Variants in ZNF609 observed in about 807,000 individuals in gnomAD.
The protein encoded by ZNF609 is zinc finger protein 609.
Under a neutral mutation model 109.5 loss-of-function variants are expected in ZNF609, and 11 were observed. The observed-to-expected ratio is 0.10, with a 90% CI of 0.06 to 0.17. The LOEUF is 0.17. Ranked by LOEUF, ZNF609 falls within the 10% of genes least tolerant of loss-of-function variation. ZNF609 has a pLI of 1.00. For missense variants in ZNF609, 1,559 were observed against 1,772.4 expected (o/e 0.88, Z 2.16); for synonymous variants, 646 against 662.0 (o/e 0.98, Z 0.37).
chr15:64,524,921 A>G (rs1433218585), intron 2 of ZNF609, among the ~76,000 whole-genome samples: 1 of 152,134 alleles, frequency 6.6e-6, no homozygotes, highest in Non-Finnish European at 1.5e-5. Context: ...TGGCTGTGCC[A>G]TTTTACATTC....
intron 2 of ZNF609, among the ~76,000 whole-genome samples, chr15:64,543,193 G>A (rs887260030): frequency 6.7e-6 from 1 of 149,798 alleles, no homozygotes; most frequent in Admixed American, 6.7e-5. Flanking sequence ...AAAAATTCCA[G>A]TCTCTTAATT....
chr15:64,560,634 G>A (rs180957024), intron 2 of ZNF609, among the ~76,000 whole-genome samples: 1 of 152,144 alleles, frequency 6.6e-6, no homozygotes, highest in Non-Finnish European at 1.5e-5. Flanking sequence ...AAGAGGAAAA[G>A]AACAGAGATG....
At chr15:64,522,597 GT>G (rs1215072233) in intron 2 of ZNF609, among the ~76,000 whole-genome samples, 1 of 151,916 alleles carries the variant, frequency 6.6e-6, no homozygotes, top group Non-Finnish European at 1.5e-5. Context: ...CTGGGTGTTT[GT>G]TTTTTTTAAA....
intron 3 of ZNF609, among the ~76,000 whole-genome samples, chr15:64,637,518 C>A (rs953009948): frequency 2.0e-5 from 3 of 152,144 alleles, no homozygotes; most frequent in African/African-American, 7.2e-5. Context: ...TATTAGAATC[C>A]TGATTGCTCT....
rs1895566334 is a variant in ZNF609, at chr15:64,604,768, T to G, written c.748-18059T>G. On this transcript the variant is annotated intron_variant, in intron 2 of 9. Coordinates refer to ENST00000326648, the MANE Select transcript of ZNF609 (RefSeq NM_015042.2). Reference sequence around the variant, plus strand: ...CATCAGGATTCTGTCTTTGCTTACCTCCATTCTGCTTTCCCCTAATTTGGC... The same window carrying G: ...CATCAGGATTCTGTCTTTGCTTACCGCCATTCTGCTTTCCCCTAATTTGGC... 2.0e-5 allele frequency among the ~76,000 whole-genome samples: 3 copies of G among 152,178 alleles called. No homozygotes were observed. The South Asian group carries it at 6.2e-4, about 32-fold the overall frequency.
intron 2 of ZNF609, among the ~76,000 whole-genome samples, chr15:64,620,157 T>A (rs1895856326): frequency 6.6e-6 from 1 of 152,212 alleles, no homozygotes; most frequent in African/African-American, 2.4e-5. Flanking sequence ...TTTAGGCCAA[T>A]GTCTGTGTCC....
At chr15:64,642,835 T>C (rs1595750126) in intron 3 of ZNF609, among the ~76,000 whole-genome samples, 1 of 152,234 alleles carries the variant, frequency 6.6e-6, no homozygotes, top group Middle Eastern at 3.4e-3. Flanking sequence ...TTTCTGTAAA[T>C]CTAAAATTTT....
intron 2 of ZNF609, among the ~76,000 whole-genome samples, chr15:64,537,442 G>A (rs1421696807): frequency 1.3e-5 from 2 of 150,998 alleles, no homozygotes; most frequent in Non-Finnish European, 3.0e-5. Flanking sequence ...CGGAGCTTGC[G>A]GTGAGCCGGG....
intron 3 of ZNF609, chr15:64,631,386 G>A (rs1896074255): frequency 2.8e-6 from 2 of 726,930 alleles, no homozygotes; most frequent in East Asian, 5.1e-5. Flanking sequence ...ACAGCGTGCT[G>A]GGGGACACTG....
chr15:64,497,554 GCAGA>G (rs1179387658), intron 1 of ZNF609, among the ~76,000 whole-genome samples: 1 of 152,148 alleles, frequency 6.6e-6, no homozygotes, highest in Non-Finnish European at 1.5e-5. Flanking sequence ...GATCCACTTT[GCAGA>G]ATTCACTGTG....
At chr15:64,605,902 C>CTTTTTT (rs10542161) in intron 2 of ZNF609, among the ~76,000 whole-genome samples, 14 of 70,688 alleles carry the variant, frequency 2.0e-4, no homozygotes, top group Non-Finnish European at 2.7e-4. Flanking sequence ...CCCGGCTAAT[C>CTTTTTT]TTTTTTTTTT....
At chr15:64,588,597 A>C (rs1230029362) in intron 2 of ZNF609, among the ~76,000 whole-genome samples, 1 of 150,684 alleles carries the variant, frequency 6.6e-6, no homozygotes, top group African/African-American at 2.4e-5. Flanking sequence ...CTCCCACCTC[A>C]GCCTCCCATA....
chr15:64,580,882 A>G (rs924628547), intron 2 of ZNF609, among the ~76,000 whole-genome samples: 1 of 147,180 alleles, frequency 6.8e-6, no homozygotes, highest in Non-Finnish European at 1.5e-5. Context: ...TTGTTTTTTA[A>G]TGGATAGTTT....
chr15:64,670,406 G>A lies in ZNF609; in HGVS notation c.1034G>A (p.Cys345Tyr). ...NKTYVGTLLD[C>Y]TRHDWAPPRF... ...ACATATGTAGGTACACTCCTTGACT[G>A]CACACGACATGATTGGGCACCCCCA... Residue 345 changes from cysteine (C) to tyrosine (Y), a missense_variant, in exon 4 of 10, where the codon TGC becomes TAC. Coordinates refer to ENST00000326648, the MANE Select transcript of ZNF609 (RefSeq NM_015042.2). 1 of 1,614,080 alleles carries A rather than the reference G, an allele frequency of 6.2e-7. No homozygotes were observed. The highest frequency in any genetic ancestry group is 8.5e-7 in the Non-Finnish European group (1 of 1,179,948).
intron 3 of ZNF609, among the ~76,000 whole-genome samples, chr15:64,655,953 G>A (rs1450880754): frequency 6.6e-6 from 1 of 152,182 alleles, no homozygotes; most frequent in Non-Finnish European, 1.5e-5. Context: ...ACAAGGGGAA[G>A]CTGAAAACAA....
chr15:64,591,430 A>AAAC (rs1895295553), intron 2 of ZNF609, among the ~76,000 whole-genome samples: 1 of 151,990 alleles, frequency 6.6e-6, no homozygotes, highest in Non-Finnish European at 1.5e-5. Flanking sequence ...TCTATCTCAA[A>AAAC]AAACAAACAA....
At chr15:64,665,569 A>G (rs572535835) in intron 3 of ZNF609, among the ~76,000 whole-genome samples, 95 of 152,312 alleles carry the variant, frequency 6.2e-4, no homozygotes, top group African/African-American at 2.2e-3. Flanking sequence ...TGGGTAACAT[A>G]GTGAGACTCT....
At chr15:64,655,494 A>G (rs1896477279) in intron 3 of ZNF609, among the ~76,000 whole-genome samples, 2 of 152,006 alleles carry the variant, frequency 1.3e-5, no homozygotes, top group Admixed American at 1.3e-4. Flanking sequence ...AATAAAATAT[A>G]TGAAAACAAA....
intron 3 of ZNF609, among the ~76,000 whole-genome samples, chr15:64,638,438 A>G (rs989316042): frequency 4.6e-5 from 7 of 152,034 alleles, no homozygotes; most frequent in Non-Finnish European, 1.0e-4. Flanking sequence ...TTTTACAGAA[A>G]AAAAAGTGCT....
Sources: allele counts gnomAD v4.1 joint callset (sites outside exome capture counted in the v4.1 genomes callset), GRCh38; gene constraint gnomAD v4.1.1; transcripts MANE v1.5; gene names NCBI Gene and HGNC (gene_info 2026-07-23, HGNC 2026-07-21).